Variants in DSG4 observed in about 807,000 individuals in gnomAD.
DSG4 encodes the protein desmoglein-4.
In DSG4, 87 loss-of-function variants were observed where a neutral mutation model predicts 93.1. That is an observed-to-expected ratio of 0.93 (90% CI 0.79 to 1.12). DSG4 has a LOEUF of 1.12. Among genes scored for constraint, DSG4 ranks in the 50% most tolerant of loss-of-function variants. DSG4 has a pLI of 0.00. For synonymous variants in DSG4, 432 were observed against 452.9 expected, an observed-to-expected ratio of 0.95 and a Z score of 0.59; for missense variants, 1,373 against 1,285.7, an observed-to-expected ratio of 1.07 and a Z score of -1.04.
At position 31,411,517 on chromosome 18, in the gene DSG4, A is replaced by G. The variant is rs924880795; in HGVS notation, c.2355+69A>G. The G allele has an allele frequency of 3.9e-6, 6 of 1,544,198 alleles. No individual in the cohort carries two copies. The South Asian group carries it at 5.6e-5, about 15-fold the overall frequency. Reference sequence around the variant, plus strand: ...TAATAATAATAGTAAAATACTCACAATGGTAGTAGGCCTCTTCGGAAATAT... The same window carrying G: ...TAATAATAATAGTAAAATACTCACAGTGGTAGTAGGCCTCTTCGGAAATAT... On this transcript the variant is annotated intron_variant, in intron 15 of 15. Coordinates refer to ENST00000308128, the MANE Select transcript of DSG4 (RefSeq NM_177986.5).
Position 31,414,848 on chromosome 18 carries a change from G to A in DSG4, c.*1253G>A, listed in dbSNP as rs1187044159. On this transcript the variant is annotated 3_prime_UTR_variant, in exon 16 of 16. Coordinates refer to ENST00000308128, the MANE Select transcript of DSG4 (RefSeq NM_177986.5). Reference sequence around the variant, plus strand: ...ATATGTATACAGTAGCAGCAATAATGTGACTGAGATAATGTAAATGAAATA... The same window carrying A: ...ATATGTATACAGTAGCAGCAATAATATGACTGAGATAATGTAAATGAAATA... 7.0e-6 allele frequency: 1 copy of A among 141,856 alleles called. No individual in the cohort carries two copies. Among genetic ancestry groups the A allele is most frequent in the African/African-American group, 2.5e-5 (1 of 40,420 alleles). The allele number at this position is 141,856 out of a possible 1,614,324, so 8.8% of individuals were successfully genotyped here.
In DSG4 at chr18:31,411,399, AC is replaced by A. The variant is rs898610495; in HGVS notation, c.2307del (p.Tyr769Ter). ...TCTACCATGGGAACCCTGCGGGACT[AC>A]GCTGACGCAGACATCAACATGGCTT... ...RSSTMGTLRD[Y>X]ADADINMAFL... On this transcript the variant is annotated frameshift_variant, in exon 15 of 16. Coordinates refer to ENST00000308128, the MANE Select transcript of DSG4 (RefSeq NM_177986.5). LOFTEE classifies it high-confidence loss of function. The A allele has an allele frequency of 6.2e-6, 10 of 1,611,024 alleles. No homozygotes were observed. The African/African-American group carries it at 6.9e-5, about 11-fold the overall frequency.
intron 10 of DSG4, among the ~76,000 whole-genome samples, chr18:31,402,096 A>G (rs150629053): frequency 6.6e-6 from 1 of 152,218 alleles, no homozygotes; most frequent in Non-Finnish European, 1.5e-5. Context: ...AAATGCTAGA[A>G]TAAATAATTA....
rs184092780 is a variant in DSG4, at chr18:31,379,258, C to T, written c.48+2299C>T. Among the ~76,000 whole-genome samples, 252 of 152,276 alleles carry T rather than the reference C, an allele frequency of 1.7e-3. 3 individuals are homozygous for T. The highest frequency in any genetic ancestry group is 0.01 in the Middle Eastern group (3 of 294). On this transcript the variant is annotated intron_variant, in intron 1 of 15. Transcript: ENST00000308128. ...GCTGTGTAACTTTGGCAAAAGCACCCAACTTCTCAGGGCTTCCTTTGACCT... is the reference window on the plus strand; with the variant it reads ...GCTGTGTAACTTTGGCAAAAGCACCTAACTTCTCAGGGCTTCCTTTGACCT...
intron 11 of DSG4, 120 bp from the exon 12 acceptor site, chr18:31,405,957 C>A: frequency 9.4e-7 from 1 of 1,065,526 alleles, no homozygotes; most frequent in African/African-American, 1.6e-5. Flanking sequence ...TGCTTTATGA[C>A]TAAGAAAGCA....
intron 2 of DSG4, among the ~76,000 whole-genome samples, chr18:31,385,577 C>T (rs1261410670): frequency 6.6e-6 from 1 of 152,110 alleles, no homozygotes; most frequent in Non-Finnish European, 1.5e-5. Context: ...AAATGGAAAA[C>T]ATATAATCTA....
chr18:31,399,756 AT>A (rs2072345246), intron 9 of DSG4, among the ~76,000 whole-genome samples: 2 of 152,210 alleles, frequency 1.3e-5, no homozygotes, highest in Admixed American at 6.5e-5. Context: ...TATAAAAGTA[AT>A]TGTGTCCAGT....
intron 12 of DSG4, among the ~76,000 whole-genome samples, chr18:31,408,313 C>T (rs1374782479): frequency 6.6e-6 from 1 of 152,128 alleles, no homozygotes; most frequent in Non-Finnish European, 1.5e-5. Context: ...AGAGTTCAGG[C>T]CTGCAATGGT....
rs182199389 is a variant in DSG4, at chr18:31,399,569, C to T, written c.1277+26C>T. The T allele has an allele frequency of 1.9e-6, 3 of 1,613,298 alleles. No individual in the cohort carries two copies. The Admixed American group carries it at 5.0e-5, about 27-fold the overall frequency. On this transcript the variant is annotated intron_variant, in intron 9 of 15. Transcript: ENST00000308128. ...GTACTGCAACTATTTTCTTCATGTT[C>T]TATGGTTCTATCCAGTGTTAATTCA...
intron 10 of DSG4, among the ~76,000 whole-genome samples, chr18:31,402,133 A>G (rs906943175): frequency 1.3e-5 from 2 of 152,232 alleles, no homozygotes; most frequent in African/African-American, 4.8e-5. Context: ...AAAGAGAGAG[A>G]AAGTGCTGTC....
chr18:31,386,674 C>A lies in DSG4; in HGVS notation c.85-14C>A. The A allele has an allele frequency of 6.2e-7, 1 of 1,612,566 alleles. No homozygotes were observed. Among genetic ancestry groups the A allele is most frequent in the Non-Finnish European group, 8.5e-7 (1 of 1,178,938 alleles). The stretch of plus-strand genomic sequence containing the variant: ...TTCTCACACTGTAAGACACCTGAAC[C>A]ATTTTTGCTTAAGGTGAAGGAATTT... On this transcript the variant is annotated splice_polypyrimidine_tract_variant and intron_variant, in intron 2 of 15. Transcript: ENST00000308128.
intron 1 of DSG4, chr18:31,382,470 T>C (rs1165285011): frequency 2.0e-5 from 3 of 152,260 alleles, no homozygotes. Context: ...AGGCAAGGAA[T>C]TTCCACCATT....
At chr18:31,381,270 A>G (rs2072131524) in intron 1 of DSG4, among the ~76,000 whole-genome samples, 1 of 152,198 alleles carries the variant, frequency 6.6e-6, no homozygotes, top group African/African-American at 2.4e-5. Flanking sequence ...GGTTCTCTGA[A>G]GCTGCCAGCC....
Position 31,406,313 on chromosome 18 carries a change from A to T in DSG4, c.1873A>T (p.Asn625Tyr), listed in dbSNP as rs189298279. 1.9e-5 allele frequency: 30 copies of T among 1,614,194 alleles called. No homozygotes were observed. The highest frequency in any genetic ancestry group is 2.5e-5 in the Non-Finnish European group (29 of 1,180,030). ...PVTEDQAGVS[N>Y]VGLGPAGIGM... ...CACTGAAGACCAAGCTGGAGTTTCA[A>T]ATGTTGGTCTTGGACCAGCAGGGAT... The change falls in exon 12 of 16, where the codon AAT becomes TAT. Residue 625 changes from asparagine (N) to tyrosine (Y), a missense_variant. Asn to Tyr is a moderately radical substitution (Grantham distance 143). Coordinates refer to ENST00000308128, the MANE Select transcript of DSG4 (RefSeq NM_177986.5).
intron 5 of DSG4, 78 bp from the exon 6 acceptor site, chr18:31,390,578 C>G: frequency 6.4e-7 from 1 of 1,562,904 alleles, no homozygotes. Context: ...GCCAACCACT[C>G]TGTCTTCTTA....
intron 1 of DSG4, 103 bp downstream of exon 1, chr18:31,377,062 T>G: frequency 1.1e-5 from 14 of 1,265,222 alleles, no homozygotes; most frequent in Non-Finnish European, 1.4e-5. Flanking sequence ...TTTAATCTCC[T>G]TCCTGCAAAG....
At chr18:31,407,790 T>G (rs1406796685) in intron 12 of DSG4, among the ~76,000 whole-genome samples, 1 of 152,194 alleles carries the variant, frequency 6.6e-6, no homozygotes, top group Non-Finnish European at 1.5e-5. Context: ...CTACAGCAAT[T>G]GAGTAGTGGT....
rs898862081 is a variant in DSG4, at chr18:31,390,885, T to A, written c.684+63T>A. 1.5e-5 allele frequency: 23 copies of A among 1,569,656 alleles called. No individual in the cohort carries two copies. The African/African-American group carries it at 3.0e-4, about 20-fold the overall frequency. ...CAATTTTGAAAAGACAAAGATAAAA[T>A]GATCCATGTGTACCCTTACTCCAAT... On this transcript the variant is annotated intron_variant, in intron 6 of 15. Transcript: ENST00000308128.
At position 31,391,179 on chromosome 18, in the gene DSG4, C is replaced by T. The variant is rs1293772946; in HGVS notation, c.786C>T (p.Val262=). ...ECDCRIKVLD[V]NDNFPTLEKT... is the part of the protein sequence containing the mutation. ...ACTGTAGAATCAAGGTTTTAGACGTCAACGATAATTTCCCCACCTTAGAGA... is the reference window on the plus strand; with the variant it reads ...ACTGTAGAATCAAGGTTTTAGACGTTAACGATAATTTCCCCACCTTAGAGA... The change falls in exon 7 of 16, where the codon GTC becomes GTT. Residue 262 remains valine (V), a synonymous_variant. Transcript: ENST00000308128. 1 of 1,613,648 alleles carries T rather than the reference C, an allele frequency of 6.2e-7. No homozygotes were observed. Among genetic ancestry groups the T allele is most frequent in the Non-Finnish European group, 8.5e-7 (1 of 1,179,674 alleles).
Sources: allele counts gnomAD v4.1 joint callset (sites outside exome capture counted in the v4.1 genomes callset), GRCh38; gene constraint gnomAD v4.1.1; transcripts MANE v1.5; gene names NCBI Gene and HGNC (gene_info 2026-07-23, HGNC 2026-07-21).